The following CCNY variants were observed in gnomAD, a reference collection of about 807,000 sequenced individuals.
The protein encoded by CCNY is cyclin-Y.
CCNY carries 19 observed loss-of-function variants against 42.8 expected under a neutral mutation model. The observed-to-expected ratio is 0.44, with a 90% CI of 0.31 to 0.65. CCNY has a LOEUF of 0.65. CCNY is among the 30% of genes least tolerant of loss of function. The probability of loss-of-function intolerance (pLI) is 0.07; values close to 1 mark genes in which losing one functional copy is unlikely to be tolerated. For missense variants in CCNY, 370 were observed against 437.3 expected, an observed-to-expected ratio of 0.85 and a Z score of 1.37; for synonymous variants, 165 against 162.7, an observed-to-expected ratio of 1.01 and a Z score of -0.11.
intron 1 of CCNY, among the ~76,000 whole-genome samples, chr10:35,479,208 G>A (rs1371578974): frequency 4.0e-5 from 6 of 151,678 alleles, no homozygotes; most frequent in Admixed American, 3.9e-4. Context: ...TGATTCCTCA[G>A]GGATCTAGAA....
chr10:35,417,302 C>T (rs554750387), intron 1 of CCNY, among the ~76,000 whole-genome samples: 4 of 152,192 alleles, frequency 2.6e-5, no homozygotes, highest in Non-Finnish European at 5.9e-5. Flanking sequence ...GAGGACAAGC[C>T]GATCCCATTA....
At chr10:35,346,072 AG>A (rs1836295773) in intron 1 of CCNY, among the ~76,000 whole-genome samples, 2 of 152,194 alleles carry the variant, frequency 1.3e-5, no homozygotes, top group Non-Finnish European at 2.9e-5. Context: ...ATTTATTCAA[AG>A]AATAGGATTT....
chr10:35,553,184 A>G lies in CCNY; in HGVS notation c.745A>G (p.Met249Val), dbSNP rs370637331. The G allele has an allele frequency of 2.5e-6, 4 of 1,613,650 alleles. No individual in the cohort carries two copies. The highest frequency in any genetic ancestry group is 3.4e-6 in the Non-Finnish European group (4 of 1,179,570). Reference sequence around the variant, plus strand: ...CCTGAAAGACATCACGGTGGAGGACATGTGAGTTGGGGGGCAGAGGGTGTT... The same window carrying G: ...CCTGAAAGACATCACGGTGGAGGACGTGTGAGTTGGGGGGCAGAGGGTGTT... The part of the protein sequence containing the change: ...QILKDITVED[M>V]NELERQFLEL... Residue 249 changes from methionine to valine, a missense_variant and splice_region_variant, in exon 8 of 10, where the codon ATG becomes GTG. By Grantham distance (21) the Met-to-Val change is conservative (BLOSUM62 1). Around this residue, in one of 2 missense-constraint regions of CCNY, gnomAD observed 234 missense variants for 313.1 expected, o/e 0.75. Transcript: ENST00000374704.
chr10:35,261,719 G>A (rs1202673844), intron 3 of CCNY, among the ~76,000 whole-genome samples: 5 of 151,838 alleles, frequency 3.3e-5, no homozygotes, highest in Admixed American at 1.3e-4. Context: ...AAAATTTAAC[G>A]GAATATAGAT....
At chr10:35,367,981 G>A (rs192743956) in intron 1 of CCNY, among the ~76,000 whole-genome samples, 264 of 152,304 alleles carry the variant, frequency 1.7e-3, no homozygotes, top group Admixed American at 4.6e-3. Context: ...GCTCATACTT[G>A]GAAGTCTGTT....
intron 1 of CCNY, among the ~76,000 whole-genome samples, chr10:35,426,697 A>G (rs1464895409): frequency 2.0e-5 from 3 of 152,256 alleles, no homozygotes; most frequent in South Asian, 2.1e-4. Flanking sequence ...TTTAAAGCCA[A>G]TATCTATATT....
At chr10:35,290,119 G>A (rs534812086) in intron 3 of CCNY, among the ~76,000 whole-genome samples, 137 of 151,802 alleles carry the variant, frequency 9.0e-4, no homozygotes, top group Non-Finnish European at 1.6e-3. Context: ...CCAGCTACTC[G>A]GCGGGCTGAG....
At chr10:35,247,302 T>C (rs2095708674) in intron 1 of CCNY, among the ~76,000 whole-genome samples, 1 of 151,862 alleles carries the variant, frequency 6.6e-6, no homozygotes, top group Non-Finnish European at 1.5e-5. Context: ...GGTGTGGAAA[T>C]TGAGAATAGG....
intron 3 of CCNY, among the ~76,000 whole-genome samples, chr10:35,304,816 A>G (rs1835587202): frequency 6.6e-6 from 1 of 152,184 alleles, no homozygotes; most frequent in East Asian, 1.9e-4. Context: ...TCCTGGGGGC[A>G]TAATTGCCCA....
intron 3 of CCNY, among the ~76,000 whole-genome samples, chr10:35,314,292 A>G (rs940958014): frequency 6.6e-6 from 1 of 152,156 alleles, no homozygotes; most frequent in Non-Finnish European, 1.5e-5. Flanking sequence ...GAGGCTTCAC[A>G]ATCATGGTGG....
At chr10:35,388,962 T>C (rs2135206600) in intron 1 of CCNY, among the ~76,000 whole-genome samples, 1 of 152,328 alleles carries the variant, frequency 6.6e-6, no homozygotes, top group Middle Eastern at 3.4e-3. Flanking sequence ...TCTTCTGCCT[T>C]CTTCTTCCAC....
intron 3 of CCNY, among the ~76,000 whole-genome samples, chr10:35,278,177 C>G (rs1835260208): frequency 1.3e-5 from 2 of 152,050 alleles, no homozygotes; most frequent in Admixed American, 6.6e-5. Context: ...TGCTGACCTT[C>G]CCCCCATCCT....
chr10:35,551,077 C>T (rs1037489147), intron 7 of CCNY, among the ~76,000 whole-genome samples: 2 of 152,204 alleles, frequency 1.3e-5, no homozygotes, highest in Non-Finnish European at 1.5e-5. Flanking sequence ...CCAGAGAACA[C>T]ACCTACCTAG....
Position 35,324,164 on chromosome 10 carries a change from C to T in CCNY, c.-9+73538C>T, listed in dbSNP as rs11010172. On this transcript the variant is annotated intron_variant, in intron 3 of 11. Transcript: ENST00000374706. ...TTTAAGAAGCCTCCACTTAGACAGA[C>T]GACCCTGGCACTCATAGCTCAAAGC... 5.0e-3 allele frequency among the ~76,000 whole-genome samples: 757 copies of T among 152,300 alleles called. 8 individuals carry two copies. Among genetic ancestry groups the T allele is most frequent in the African/African-American group, 0.017 (723 of 41,548 alleles).
chr10:35,314,325 T>C (rs1835726968), intron 3 of CCNY, among the ~76,000 whole-genome samples: 1 of 151,590 alleles, frequency 6.6e-6, no homozygotes, highest in South Asian at 2.1e-4. Context: ...ACATCTTACA[T>C]GGTGGCAGTC....
chr10:35,552,437 G>C (rs1000769533), intron 7 of CCNY, among the ~76,000 whole-genome samples: 12 of 152,176 alleles, frequency 7.9e-5, no homozygotes, highest in African/African-American at 2.9e-4. Context: ...GATAGATGGT[G>C]GTGATGGTTG....
intron 1 of CCNY, among the ~76,000 whole-genome samples, chr10:35,462,369 C>T (rs954718039): frequency 6.6e-6 from 1 of 152,310 alleles, no homozygotes; most frequent in East Asian, 1.9e-4. Context: ...GTATTTTGCT[C>T]CTTGAGATTT....
At chr10:35,363,372 A>G in intron 1 of CCNY, among the ~76,000 whole-genome samples, 1 of 134,622 alleles carries the variant, frequency 7.4e-6, no homozygotes, top group Non-Finnish European at 1.6e-5. Context: ...GGTGCTTCTC[A>G]CTTCCCAGGT....
intron 2 of CCNY, among the ~76,000 whole-genome samples, chr10:35,248,753 C>T (rs1398515485): frequency 6.6e-6 from 1 of 152,156 alleles, no homozygotes; most frequent in Non-Finnish European, 1.5e-5. Context: ...GCCAGAGGAT[C>T]ACTTGATCCC....
Sources: gnomAD v4.1 joint callset for allele counts (sites outside exome capture counted in the v4.1 genomes callset) on GRCh38, gnomAD v4.1.1 for gene constraint, gnomAD v4.1.1 regional missense constraint, MANE v1.5 for transcripts, NCBI Gene and HGNC (gene_info 2026-07-23, HGNC 2026-07-21) for gene names.